The following DCAF8 variants were observed in gnomAD, a reference collection of about 807,000 sequenced individuals.
The protein encoded by DCAF8 is DDB1- and CUL4-associated factor 8.
DCAF8 carries 20 observed loss-of-function variants against 68.0 expected under a neutral mutation model. The ratio of observed to expected loss-of-function variants is 0.29; its 90% confidence interval spans 0.21 to 0.43. DCAF8 has a LOEUF of 0.43. Among genes scored for constraint, DCAF8 ranks in the 20% least tolerant of loss-of-function variants. DCAF8 has a pLI of 1.00. For missense variants in DCAF8, 460 were observed against 771.0 expected (o/e 0.60, Z 4.78); for synonymous variants, 230 against 276.9 (o/e 0.83, Z 1.68).
In DCAF8 at chr1:160,262,511, C is replaced by T. The variant is rs1210262091; in HGVS notation, c.-163G>A. On this transcript the variant is annotated 5_prime_UTR_variant, in exon 1 of 14. Coordinates refer to ENST00000368074, the MANE Select transcript of DCAF8 (RefSeq NM_015726.4). ...CTGCGCTTGCGCCTGCGCTGCCACG[C>T]TTTCCGGCCCCGTTTGCGACGATGT... 2 of 399,426 alleles carry T rather than the reference C, an allele frequency of 5.0e-6. No individual in the cohort carries two copies. The highest frequency in any genetic ancestry group is 8.8e-6 in the Non-Finnish European group (2 of 226,236). The allele number at this position is 399,426 out of a possible 1,614,324, so 24.7% of individuals were successfully genotyped here.
intron 2 of DCAF8, among the ~76,000 whole-genome samples, chr1:160,245,077 A>T (rs181364443): frequency 6.6e-6 from 1 of 152,340 alleles, no homozygotes; most frequent in Non-Finnish European, 1.5e-5. Context: ...GAAAAAGGCA[A>T]CATTTCCATT....
intron 7 of DCAF8, among the ~76,000 whole-genome samples, chr1:160,230,819 T>A (rs914912195): frequency 6.6e-6 from 1 of 152,196 alleles, no homozygotes; most frequent in African/African-American, 2.4e-5. Context: ...TGGCACAATC[T>A]TGGCTCATTG....
intron 2 of DCAF8, among the ~76,000 whole-genome samples, chr1:160,259,627 G>C (rs1656986796): frequency 6.6e-6 from 1 of 152,128 alleles, no homozygotes; most frequent in Non-Finnish European, 1.5e-5. Flanking sequence ...ACAGTTCTTT[G>C]ATAATTTGTT....
At chr1:160,252,196 T>C (rs1468757456) in intron 2 of DCAF8, among the ~76,000 whole-genome samples, 1 of 152,154 alleles carries the variant, frequency 6.6e-6, no homozygotes, top group African/African-American at 2.4e-5. Context: ...GCTACAAATA[T>C]AAACAAGGCA....
chr1:160,250,635 C>T (rs1010256379), intron 2 of DCAF8, among the ~76,000 whole-genome samples: 1 of 152,160 alleles, frequency 6.6e-6, no homozygotes, highest in Non-Finnish European at 1.5e-5. Flanking sequence ...AATGTCCAGA[C>T]TTCTCACTTG....
intron 5 of DCAF8, 133 bp from the exon 6 acceptor site, chr1:160,237,362 A>T (rs2101738055): frequency 1.5e-6 from 1 of 647,272 alleles, no homozygotes; most frequent in South Asian, 2.0e-5. Context: ...TTTTGTCATA[A>T]AATCCCAGGA....
intron 6 of DCAF8, among the ~76,000 whole-genome samples, chr1:160,232,207 CA>C (rs1177026328): frequency 8.4e-4 from 117 of 139,582 alleles, no homozygotes; most frequent in Admixed American, 8.7e-4. Flanking sequence ...AAGACTGTCT[CA>C]AAAAAAAAAA....
intron 7 of DCAF8, among the ~76,000 whole-genome samples, chr1:160,230,676 CTAA>C (rs1351735389): frequency 2.6e-5 from 4 of 152,202 alleles, no homozygotes; most frequent in African/African-American, 9.7e-5. Flanking sequence ...AGATTATTTA[CTAA>C]TATAGTACTT....
chr1:160,223,550 A>G (rs1315686271), intron 10 of DCAF8, among the ~76,000 whole-genome samples: 1 of 152,230 alleles, frequency 6.6e-6, no homozygotes, highest in African/African-American at 2.4e-5. Flanking sequence ...CTCAGTGCTC[A>G]AGTTGCAGTC....
chr1:160,247,622 A>G (rs1345723274), intron 2 of DCAF8, among the ~76,000 whole-genome samples: 2 of 152,242 alleles, frequency 1.3e-5, no homozygotes, highest in Non-Finnish European at 2.9e-5. Context: ...TTTGCAATAT[A>G]CCAGTGGAGC....
At chr1:160,261,426 A>G (rs961247615) in intron 1 of DCAF8, 68 bp from the exon 2 acceptor site, 10 of 152,230 alleles carry the variant, frequency 6.6e-5, no homozygotes, top group African/African-American at 2.4e-4. Flanking sequence ...ATATTTATGA[A>G]TACACTTTAG....
chr1:160,246,665 G>C (rs1459528519), intron 2 of DCAF8, among the ~76,000 whole-genome samples: 1 of 152,122 alleles, frequency 6.6e-6, no homozygotes, highest in Non-Finnish European at 1.5e-5. Context: ...TGTGCCCTAG[G>C]TGTCAAGTAT....
chr1:160,251,864 G>C (rs1020746668), intron 2 of DCAF8, among the ~76,000 whole-genome samples: 4 of 152,188 alleles, frequency 2.6e-5, no homozygotes, highest in African/African-American at 9.7e-5. Flanking sequence ...GTTTATGGTA[G>C]GTAGGACTTT....
intron 2 of DCAF8, among the ~76,000 whole-genome samples, chr1:160,245,459 C>A (rs1656284785): frequency 6.6e-6 from 1 of 152,200 alleles, no homozygotes; most frequent in South Asian, 2.1e-4. Context: ...CTTATCTTTT[C>A]CTCCGCTACC....
At chr1:160,243,792 A>G (rs890042646) in intron 3 of DCAF8, among the ~76,000 whole-genome samples, 168 bp downstream of exon 3, 1 of 152,228 alleles carries the variant, frequency 6.6e-6, no homozygotes, top group African/African-American at 2.4e-5. Context: ...AGAAGAAGCA[A>G]AAGCATAATA....
At chr1:160,233,216 G>T (rs1035632490) in intron 6 of DCAF8, among the ~76,000 whole-genome samples, 1 of 152,184 alleles carries the variant, frequency 6.6e-6, no homozygotes, top group African/African-American at 2.4e-5. Context: ...TAGGCAAAGT[G>T]TTGAGATTTT....
At chr1:160,247,150 G>T (rs1427280775) in intron 2 of DCAF8, among the ~76,000 whole-genome samples, 1 of 152,048 alleles carries the variant, frequency 6.6e-6, no homozygotes, top group African/African-American at 2.4e-5. Flanking sequence ...AGCTAATCTT[G>T]CTGAGGTTGG....
At chr1:160,258,215 C>T (rs1656916238) in intron 2 of DCAF8, among the ~76,000 whole-genome samples, 1 of 152,054 alleles carries the variant, frequency 6.6e-6, no homozygotes, top group Non-Finnish European at 1.5e-5. Context: ...GGTACGGTGG[C>T]GTGCACCTGT....
intron 8 of DCAF8, 99 bp from the exon 9 acceptor site, chr1:160,225,218 C>T: frequency 8.8e-7 from 1 of 1,132,524 alleles, no homozygotes; most frequent in South Asian, 1.5e-5. Flanking sequence ...ATATCTTCTC[C>T]CAGAGATTTG....
Sources: allele counts gnomAD v4.1 joint callset (sites outside exome capture counted in the v4.1 genomes callset), GRCh38; gene constraint gnomAD v4.1.1; transcripts MANE v1.5; gene names NCBI Gene and HGNC (gene_info 2026-07-23, HGNC 2026-07-21).